The following AVEN variants were observed in gnomAD, a reference collection of about 807,000 sequenced individuals.
The protein encoded by AVEN is apoptosis and caspase activation inhibitor, also known as cell death regulator Aven.
Under a neutral mutation model 38.1 loss-of-function variants are expected in AVEN, and 41 were observed. The observed-to-expected ratio is 1.08, with a 90% confidence interval of 0.84 to 1.40. The LOEUF (loss-of-function observed/expected upper bound fraction) is 1.40, where lower values mean the gene tolerates loss of function less well. Ranked by LOEUF, AVEN falls within the 40% of genes most tolerant of loss-of-function variation. The probability of loss-of-function intolerance (pLI) is 0.00; values close to 1 mark genes in which losing one functional copy is unlikely to be tolerated. For missense variants in AVEN, 605 were observed against 438.8 expected (o/e 1.38, Z -3.38); for synonymous variants, 206 against 171.8 (o/e 1.20, Z -1.56).
chr15:33,945,617 C>G (rs527712626), intron 2 of AVEN, among the ~76,000 whole-genome samples: 5 of 151,958 alleles, frequency 3.3e-5, no homozygotes, highest in Non-Finnish European at 2.9e-5. Context: ...AATGGAGTCT[C>G]GCTCTGTCAC....
At chr15:33,978,727 A>T (rs1306007444) in intron 2 of AVEN, among the ~76,000 whole-genome samples, 4 of 152,134 alleles carry the variant, frequency 2.6e-5, no homozygotes, top group Non-Finnish European at 5.9e-5. Flanking sequence ...ATTCGTCCCC[A>T]GGCATTTGAG....
At chr15:33,961,667 G>T (rs978004460) in intron 2 of AVEN, among the ~76,000 whole-genome samples, 3 of 151,580 alleles carry the variant, frequency 2.0e-5, no homozygotes, top group Non-Finnish European at 2.9e-5. Flanking sequence ...CAAAAAATTA[G>T]CCGGGCGTGG....
At chr15:34,054,946 A>T (rs939943703) in intron 5 of AVEN, among the ~76,000 whole-genome samples, 1 of 152,106 alleles carries the variant, frequency 6.6e-6, no homozygotes, top group Non-Finnish European at 1.5e-5. Context: ...TAATCCCAGC[A>T]CTTTGGGAGG....
At chr15:33,857,999 G>T, downstream of AVEN, 1 of 1,561,200 alleles carries the variant, frequency 6.4e-7, no homozygotes, top group Non-Finnish European at 8.7e-7. Context: ...GGGCTGTGTG[G>T]GGGTGCTCTT....
chr15:33,925,520 G>T (rs1373297161), intron 2 of AVEN, among the ~76,000 whole-genome samples: 1 of 152,190 alleles, frequency 6.6e-6, no homozygotes, highest in African/African-American at 2.4e-5. Context: ...CACTGCAATG[G>T]TATTAGGACC....
At chr15:34,015,888 T>C (rs1005920375) in intron 1 of AVEN, among the ~76,000 whole-genome samples, 6 of 152,200 alleles carry the variant, frequency 3.9e-5, no homozygotes, top group Non-Finnish European at 8.8e-5. Flanking sequence ...GAATCAACAA[T>C]TGGAGACAGT....
Position 34,073,986 on chromosome 15 carries a change from C to CTTTTTTTTTTTTTTTTTT in AVEN, n.720+449_720+450insAAAAAAAAAAAAAAAAAA, listed in dbSNP as rs1381411256. Among the ~76,000 whole-genome samples, 20 of 112,192 alleles carry CTTTTTTTTTTTTTTTTTT rather than the reference C, an allele frequency of 1.8e-4. 5 individuals are homozygous for CTTTTTTTTTTTTTTTTTT. The highest frequency in any genetic ancestry group is 7.8e-4 in the African/African-American group (19 of 24,274). 73.6% of individuals were successfully genotyped at this position (112,192 alleles called of 152,430 possible). A position where few individuals can be genotyped will look rare whatever the true frequency, so the allele number is the denominator to read the frequency against. ...TGGAGGAACTTTCTTTTTTCTTCTT[C>CTTTTTTTTTTTTTTTTTT]TTCTTTTTTTTTTTTTTTTTTTTTT... is the stretch of plus-strand genomic sequence containing the variant. On this transcript the variant is annotated intron_variant and non_coding_transcript_variant, in intron 1 of 11. Transcript: ENST00000675287.
At chr15:33,962,465 C>T (rs902750079) in intron 2 of AVEN, among the ~76,000 whole-genome samples, 1 of 152,186 alleles carries the variant, frequency 6.6e-6, no homozygotes, top group African/African-American at 2.4e-5. Context: ...ACCTAGATAC[C>T]TAATTCATCA....
In AVEN at chr15:33,981,005, T is replaced by C. The variant is rs987211760; in HGVS notation, c.445+22027A>G. Among the ~76,000 whole-genome samples, 5 of 152,290 alleles carry C rather than the reference T, an allele frequency of 3.3e-5. No individual in the cohort carries two copies. In the South Asian group the frequency reaches 1.0e-3, roughly 32 times the overall value. On this transcript the variant is annotated intron_variant, in intron 2 of 5. Coordinates refer to ENST00000306730, the MANE Select transcript of AVEN (RefSeq NM_020371.3). ...CTTTCTCACTTTAAAATAGAGATCATCAAATTGAAAAAATGCTGTGACTTG... is the reference window on the plus strand; with the variant it reads ...CTTTCTCACTTTAAAATAGAGATCACCAAATTGAAAAAATGCTGTGACTTG...
chr15:33,946,882 T>C (rs879462534), intron 2 of AVEN, among the ~76,000 whole-genome samples: 1 of 152,142 alleles, frequency 6.6e-6, no homozygotes, highest in Non-Finnish European at 1.5e-5. Flanking sequence ...TGAGCAATGA[T>C]TCCTCTGCTC....
intron 2 of AVEN, among the ~76,000 whole-genome samples, chr15:33,948,017 T>C (rs1894571457): frequency 6.6e-6 from 1 of 152,186 alleles, no homozygotes; most frequent in African/African-American, 2.4e-5. Flanking sequence ...TATATACAAT[T>C]AGATCTTCAT....
At chr15:34,055,488 G>A (rs765684076) in intron 5 of AVEN, among the ~76,000 whole-genome samples, 1 of 151,800 alleles carries the variant, frequency 6.6e-6, no homozygotes, top group African/African-American at 2.4e-5. Flanking sequence ...CTGGGCAACA[G>A]AGTGAAACAC....
intron 2 of AVEN, among the ~76,000 whole-genome samples, chr15:33,920,189 T>TA (rs1044241567): frequency 6.6e-6 from 1 of 152,170 alleles, no homozygotes; most frequent in Non-Finnish European, 1.5e-5. Flanking sequence ...TTAATTGTGG[T>TA]AAAAATACAC....
chr15:33,875,466 A>C (rs1891180011), intron 3 of AVEN, among the ~76,000 whole-genome samples: 1 of 152,202 alleles, frequency 6.6e-6, no homozygotes, highest in South Asian at 2.1e-4. Context: ...GACTTCTATA[A>C]TATTTGCCCT....
downstream of AVEN, chr15:33,864,084 G>A (rs150679697): frequency 1.7e-3 from 2,270 of 1,358,562 alleles, 22 homozygotes; most frequent in African/African-American, 0.025. Context: ...TAATCCATGC[G>A]AATGAACTTG....
chr15:33,900,674 T>C (rs10162701), intron 2 of AVEN, among the ~76,000 whole-genome samples: 93,721 of 151,630 alleles, frequency 0.62, 29,565 homozygotes, highest in Middle Eastern at 0.72. Flanking sequence ...TAAAATATCA[T>C]TGGTGCTGTA....
At chr15:33,981,247 G>A (rs1402630517) in intron 2 of AVEN, among the ~76,000 whole-genome samples, 4 of 152,090 alleles carry the variant, frequency 2.6e-5, no homozygotes, top group East Asian at 1.9e-4. Flanking sequence ...TTCACTTTCC[G>A]CATGCACAGT....
chr15:33,874,664 C>T (rs754834135), intron 3 of AVEN, among the ~76,000 whole-genome samples: 3 of 152,156 alleles, frequency 2.0e-5, no homozygotes, highest in Non-Finnish European at 2.9e-5. Context: ...TACAGGTCAC[C>T]GAGTGTGCCC....
chr15:33,874,017 AC>A (rs746880360), intron 3 of AVEN, among the ~76,000 whole-genome samples: 7 of 151,924 alleles, frequency 4.6e-5, no homozygotes, highest in Non-Finnish European at 1.0e-4. Context: ...CCTGCCTCTA[AC>A]CTCTCATCTC....
Sources: gnomAD v4.1 joint callset for allele counts (sites outside exome capture counted in the v4.1 genomes callset) on GRCh38, gnomAD v4.1.1 for gene constraint, MANE v1.5 for transcripts, NCBI Gene and HGNC (gene_info 2026-07-23, HGNC 2026-07-21) for gene names.